Variants in RPH3A observed in about 807,000 individuals in gnomAD.
The protein encoded by RPH3A is rabphilin 3A, also known as rabphilin-3A.
RPH3A carries 48 observed loss-of-function variants against 102.2 expected under a neutral mutation model. That is an observed-to-expected ratio of 0.47 (90% confidence interval 0.37 to 0.60). The LOEUF is 0.60. Ranked by LOEUF, RPH3A falls within the 20% of genes least tolerant of loss-of-function variation. RPH3A has a pLI of 0.00. For synonymous variants in RPH3A, 310 were observed against 324.3 expected (o/e 0.96, Z 0.47); for missense variants, 781 against 910.1 (o/e 0.86, Z 1.83).
intron 1 of RPH3A, among the ~76,000 whole-genome samples, chr12:112,727,757 A>C (rs2040604998): frequency 6.6e-6 from 1 of 152,124 alleles, no homozygotes; most frequent in African/African-American, 2.4e-5. Flanking sequence ...TTGTGTTCCT[A>C]GGTTAAACCT....
chr12:112,639,617 C>T (rs1231208022), intron 1 of RPH3A, among the ~76,000 whole-genome samples: 1 of 152,162 alleles, frequency 6.6e-6, no homozygotes. Flanking sequence ...TGTAACAAAC[C>T]TGCACATGTA....
intron 5 of RPH3A, among the ~76,000 whole-genome samples, chr12:112,856,896 G>A (rs368587518): frequency 7.2e-5 from 11 of 152,246 alleles, no homozygotes; most frequent in Non-Finnish European, 1.0e-4. Context: ...ATTGAAGCTC[G>A]GAAAGGTTAA....
chr12:112,808,730 A>T (rs1593025466), intron 2 of RPH3A, among the ~76,000 whole-genome samples: 1 of 152,198 alleles, frequency 6.6e-6, no homozygotes, highest in African/African-American at 2.4e-5. Context: ...ATTGCCTGGA[A>T]CTTACTAGAA....
chr12:112,730,032 C>G (rs4766999), intron 1 of RPH3A, among the ~76,000 whole-genome samples: 30 of 152,230 alleles, frequency 2.0e-4, no homozygotes, highest in Admixed American at 1.9e-3. Context: ...CACACACACA[C>G]AGAACACCAT....
rs575522231 is a variant in RPH3A at position 112,786,073 on chromosome 12, C to A, written c.-139-6070C>A. Among the ~76,000 whole-genome samples the A allele has an allele frequency of 3.1e-3, 471 of 152,288 alleles. 2 individuals are homozygous for A. Among genetic ancestry groups the A allele is most frequent in the South Asian group, 0.019 (94 of 4,828 alleles). On this transcript the variant is annotated intron_variant, in intron 1 of 21. Transcript: ENST00000543106. Reference sequence around the variant, plus strand: ...TAGCTGAGGAGACTGAGGTTCGGAGCATGCCAGTGACATGCCAAGGTCCCA... The same window carrying A: ...TAGCTGAGGAGACTGAGGTTCGGAGAATGCCAGTGACATGCCAAGGTCCCA...
At chr12:112,764,678 G>GTAT (rs534010884) in intron 1 of RPH3A, among the ~76,000 whole-genome samples, 7,205 of 151,290 alleles carry the variant, frequency 0.048, 457 homozygotes, top group African/African-American at 0.14. Flanking sequence ...TCTACCTGAG[G>GTAT]TATTATTATT....
chr12:112,827,708 T>C (rs1003842331), intron 2 of RPH3A, among the ~76,000 whole-genome samples: 1 of 151,494 alleles, frequency 6.6e-6, no homozygotes, highest in Non-Finnish European at 1.5e-5. Flanking sequence ...CAGGGACACA[T>C]GGACACAGGA....
chr12:112,704,603 C>T (rs1428399714), intron 1 of RPH3A, among the ~76,000 whole-genome samples: 2 of 152,202 alleles, frequency 1.3e-5, no homozygotes, highest in Admixed American at 6.5e-5. Context: ...CGGCTACCAT[C>T]ATCTCTTTCT....
intron 1 of RPH3A, among the ~76,000 whole-genome samples, chr12:112,713,060 T>TCTC (rs1284553446): frequency 0.013 from 1,298 of 100,662 alleles, 53 homozygotes; most frequent in Non-Finnish European, 0.022. Flanking sequence ...TCCTTCTTCT[T>TCTC]CTTCTTCTTC....
At chr12:112,883,485 G>A (rs2042958216) in intron 16 of RPH3A, 83 bp downstream of exon 16, 1 of 921,534 alleles carries the variant, frequency 1.1e-6, no homozygotes, top group South Asian at 1.4e-5. Flanking sequence ...GAGGCCCCCA[G>A]GGCTTCACTC....
intron 2 of RPH3A, among the ~76,000 whole-genome samples, chr12:112,792,677 G>C (rs2041145901): frequency 6.6e-6 from 1 of 152,178 alleles, no homozygotes; most frequent in African/African-American, 2.4e-5. Flanking sequence ...GAGGGGAGGG[G>C]GTCACCTGAG....
rs2043223833 is a variant in RPH3A at position 112,898,548 on chromosome 12, G to C, written c.*1768G>C. The stretch of plus-strand genomic sequence containing the variant: ...CATCGAGCTCTTCACCTTCCCCAAG[G>C]TGGCCAACAGCTTCCTGGCTGCCAT... On this transcript the variant is annotated 3_prime_UTR_variant, in exon 22 of 22. Transcript: ENST00000389385. 1.3e-5 allele frequency: 2 copies of C among 152,374 alleles called. No homozygotes were observed. Among genetic ancestry groups the C allele is most frequent in the Non-Finnish European group, 2.9e-5 (2 of 68,178 alleles). 9.4% of individuals were successfully genotyped at this position (152,374 alleles called of 1,614,324 possible).
At position 112,805,017 on chromosome 12, in the gene RPH3A, C is replaced by T. The variant is rs754055022; in HGVS notation, c.-19+12754C>T. Among the ~76,000 whole-genome samples, 6 of 151,928 alleles carry T rather than the reference C, an allele frequency of 3.9e-5. No individual in the cohort carries two copies. The South Asian group carries it at 1.0e-3, about 26-fold the overall frequency. ...TATAGGTGGGCAAAATGTTGCCGAC[C>T]GAGTTTTCCTAGAAAAAACAAACAA... is the stretch of plus-strand genomic sequence containing the variant. On this transcript the variant is annotated intron_variant, in intron 2 of 21. Coordinates refer to ENST00000389385, the MANE Select transcript of RPH3A (RefSeq NM_001143854.2).
chr12:112,775,978 G>A (rs2040963111), intron 1 of RPH3A, among the ~76,000 whole-genome samples: 1 of 145,822 alleles, frequency 6.9e-6, no homozygotes, highest in Non-Finnish European at 1.6e-5. Flanking sequence ...TAGAAGTCAG[G>A]GGTGAGGGAG....
chr12:112,654,863 A>G (rs2039999180), intron 1 of RPH3A, among the ~76,000 whole-genome samples: 1 of 152,224 alleles, frequency 6.6e-6, no homozygotes, highest in Non-Finnish European at 1.5e-5. Flanking sequence ...GAAGATCACC[A>G]ATAAAAGGAG....
At position 112,890,060 on chromosome 12, in the gene RPH3A, A is replaced by G. The variant is rs1470867478; in HGVS notation, c.1600A>G (p.Met534Val). Residue 534 changes from methionine to valine, a missense_variant, in exon 18 of 22, where the codon ATG becomes GTG. This residue lies in a region of RPH3A where 730 missense variants were observed against 810.0 expected (regional missense o/e 0.90). Transcript: ENST00000389385. ...TGGGACCACCGGGTCAGCCCGAGGC[A>G]TGGCCCTTTATGAGGAAGAGGTGAG... Reference protein sequence around the residue: ...RAGTTGSARGMALYEEEQVER... With the variant: ...RAGTTGSARGVALYEEEQVER... The G allele has an allele frequency of 1.2e-6, 2 of 1,613,742 alleles. No homozygotes were observed. Among genetic ancestry groups the G allele is most frequent in the South Asian group, 2.2e-5 (2 of 91,086 alleles).
intron 1 of RPH3A, among the ~76,000 whole-genome samples, chr12:112,765,496 G>C (rs1266664376): frequency 2.0e-5 from 3 of 152,124 alleles, no homozygotes; most frequent in Non-Finnish European, 4.4e-5. Context: ...GTGGTCCTTA[G>C]TGCCTATCAG....
intron 1 of RPH3A, among the ~76,000 whole-genome samples, chr12:112,621,866 C>T (rs1399439762): frequency 7.3e-5 from 11 of 151,320 alleles, no homozygotes; most frequent in Admixed American, 3.3e-4. Context: ...GATCTGAGAA[C>T]GGGCAGACTG....
At chr12:112,621,048 A>G (rs2039719192) in intron 1 of RPH3A, among the ~76,000 whole-genome samples, 1 of 146,504 alleles carries the variant, frequency 6.8e-6, no homozygotes, top group African/African-American at 2.6e-5. Flanking sequence ...TTGCTATGTT[A>G]CCTAGGCTGG....
Sources: gnomAD v4.1 joint callset for allele counts (sites outside exome capture counted in the v4.1 genomes callset) on GRCh38, gnomAD v4.1.1 for gene constraint, gnomAD v4.1.1 regional missense constraint, MANE v1.5 for transcripts, NCBI Gene and HGNC (gene_info 2026-07-23, HGNC 2026-07-21) for gene names.